The following ICAM3 variants were observed in gnomAD, a reference collection of about 807,000 sequenced individuals.
The protein encoded by ICAM3 is intercellular adhesion molecule 3.
Under a neutral mutation model 43.6 loss-of-function variants are expected in ICAM3, and 54 were observed. That is an observed-to-expected ratio of 1.24 (90% CI 0.99 to 1.55). The LOEUF (loss-of-function observed/expected upper bound fraction) is 1.55. Among genes scored for constraint, ICAM3 ranks in the 40% most tolerant of loss-of-function variants. The pLI, the probability that ICAM3 is intolerant of heterozygous loss-of-function variation, is 0.00. For missense variants in ICAM3, 715 were observed against 717.9 expected (o/e 1.00, Z 0.05); for synonymous variants, 306 against 312.6 (o/e 0.98, Z 0.22).
chr19:10,339,500 G>A (rs773379965), intron 1 of ICAM3, 39 bp downstream of exon 1: 4 of 1,575,592 alleles, frequency 2.5e-6, no homozygotes, highest in East Asian at 4.5e-5. Flanking sequence ...TCCCCAAAAC[G>A]CAGCCCTCTC....
At chr19:10,336,132 T>TA in intron 2 of ICAM3, 156 bp from the exon 3 acceptor site, 2 of 647,132 alleles carry the variant, frequency 3.1e-6, no homozygotes, top group Non-Finnish European at 5.2e-6. Flanking sequence ...AAGCGTTTGC[T>TA]ATTATCATTA....
intron 2 of ICAM3, chr19:10,336,256 T>G: frequency 2.2e-6 from 1 of 458,584 alleles, no homozygotes; most frequent in Non-Finnish European, 3.9e-6. Flanking sequence ...GGATGAACGT[T>G]TATGACTATG....
chr19:10,333,888 G>GC lies in ICAM3; in HGVS notation c.1612dup (p.Ala538GlyfsTer10), dbSNP rs748245954. 6.2e-7 allele frequency: 1 copy of GC among 1,614,152 alleles called. No homozygotes were observed. Among genetic ancestry groups the GC allele is most frequent in the Admixed American group, 1.7e-5 (1 of 60,014 alleles). On this transcript the variant is annotated frameshift_variant, in exon 7 of 7. Transcript: ENST00000160262. LOFTEE classifies it low-confidence loss of function (END_TRUNC). The surrounding 1 kb of genome is among the most constrained non-coding windows in gnomAD (Gnocchi z 4.2). ...AGCTCTGGACGGTTCTTCCCCCATT[G>GC]CTTCTGTCGGCTGCATAGACGTGAG...
chr19:10,336,072 CTG>C, intron 2 of ICAM3, 96 bp from the exon 3 acceptor site: 1 of 1,166,224 alleles, frequency 8.6e-7, no homozygotes, highest in Non-Finnish European at 1.2e-6. Context: ...CTGCCGAGAA[CTG>C]TGAGCTTTGA....
In ICAM3 at chr19:10,334,222, T is replaced by G. The variant is rs371074998; in HGVS notation, c.1379A>C (p.Tyr460Ser). 1 of 1,613,924 alleles carries G rather than the reference T, an allele frequency of 6.2e-7. No homozygotes were observed. Among genetic ancestry groups the G allele is most frequent in the South Asian group, 1.1e-5 (1 of 91,076 alleles). The change falls in exon 6 of 7, where the codon TAT becomes TCT. Residue 460 changes from tyrosine to serine, a missense_variant. Transcript: ENST00000160262. The surrounding 1 kb of genome is among the most constrained non-coding windows in gnomAD (Gnocchi z 5.5). ...TCGTGAGCTGGACGCTTGGCACTGA[T>G]AAGTACCATTATGTGTTACGTTGAC... Reference protein sequence around the residue: ...FFVNVTHNGTYQCQASSSRGK... With the variant: ...FFVNVTHNGTSQCQASSSRGK...
At position 10,338,738 on chromosome 19, in the gene ICAM3, C is replaced by A; in HGVS notation, c.287G>T (p.Cys96Phe). Residue 96 changes from cysteine to phenylalanine, a missense_variant, in exon 2 of 7, where the codon TGC (cysteine) becomes TTC (phenylalanine). Physicochemically the swap from Cys to Phe is radical, Grantham distance 205 (BLOSUM62 -2). Transcript: ENST00000160262. Reference protein sequence around the residue: ...SNVTGNSRILCSVYCNGSQIT... With the variant: ...SNVTGNSRILFSVYCNGSQIT... ...CTGAGAGCCATTGCAGTACACTGAG[C>A]AGAGGATCCGACTGTTGCCAGTCAC... 1 of 1,614,188 alleles carries A rather than the reference C, an allele frequency of 6.2e-7. No individual in the cohort carries two copies. Among genetic ancestry groups the A allele is most frequent in the Non-Finnish European group, 8.5e-7 (1 of 1,180,024 alleles).
intron 2 of ICAM3, among the ~76,000 whole-genome samples, chr19:10,336,804 C>CAAAAAA (rs34119863): frequency 1.3e-5 from 1 of 78,998 alleles, no homozygotes; most frequent in Non-Finnish European, 2.4e-5. Context: ...GACTCTATGT[C>CAAAAAA]AAAAAAAAAA....
chr19:10,339,168 G>T (rs1446065677), intron 1 of ICAM3: 3 of 606,322 alleles, frequency 4.9e-6, no homozygotes, highest in African/African-American at 3.7e-5. Context: ...GTCAGGGAAG[G>T]CTTCCTGGAA....
At position 10,338,801 on chromosome 19, in the gene ICAM3, G is replaced by A. The variant is rs1201771493; in HGVS notation, c.224C>T (p.Ala75Val). The A allele has an allele frequency of 6.2e-7, 1 of 1,614,060 alleles. No homozygotes were observed. The highest frequency in any genetic ancestry group is 8.5e-7 in the Non-Finnish European group (1 of 1,180,040). Residue 75 changes from alanine (A) to valine (V), a missense_variant, in exon 2 of 7, where the codon GCC (alanine) becomes GTC (valine). Transcript: ENST00000160262. ...LETSLSKELVASGMGWAAFNL... is the reference protein window; with the variant it reads ...LETSLSKELVVSGMGWAAFNL... The stretch of plus-strand genomic sequence containing the variant: ...GAAGGCTGCCCAGCCCATGCCACTG[G>A]CCACCAGCTCCTTTGATAGGGACGT...
rs371615530 is a variant in ICAM3, at chr19:10,335,288, C to T, written c.715G>A (p.Val239Met). The change falls in exon 4 of 7, where the codon GTG becomes ATG. Residue 239 changes from valine to methionine, a missense_variant. Coordinates refer to ENST00000160262, the MANE Select transcript of ICAM3 (RefSeq NM_002162.5). ...AAAAGCCCGTCTAGGGTGCAGTCCA[C>T]CGGCCACGACGTTTCCACCTCCAAG... ...RFLEVETSWP[V>M]DCTLDGLFPA... The T allele has an allele frequency of 6.6e-5, 106 of 1,612,864 alleles. No homozygotes were observed. The highest frequency in any genetic ancestry group is 8.8e-5 in the Non-Finnish European group (104 of 1,179,910).
Position 10,338,788 on chromosome 19 carries a change from G to A in ICAM3, c.237C>T (p.Gly79=), listed in dbSNP as rs761724730. Reference sequence around the variant, plus strand: ...CGTTGCTGAGATTGAAGGCTGCCCAGCCCATGCCACTGGCCACCAGCTCCT... The same window carrying A: ...CGTTGCTGAGATTGAAGGCTGCCCAACCCATGCCACTGGCCACCAGCTCCT... ...LSKELVASGM[G]WAAFNLSNVT... is the part of the protein sequence containing the mutation. Residue 79 remains glycine, a synonymous_variant, in exon 2 of 7, where the codon GGC becomes GGT. Transcript: ENST00000160262. 8.1e-6 allele frequency: 13 copies of A among 1,614,164 alleles called. No individual in the cohort carries two copies. Among genetic ancestry groups the A allele is most frequent in the Non-Finnish European group, 1.1e-5 (13 of 1,180,022 alleles).
Position 10,338,903 on chromosome 19 carries a change from G to A in ICAM3, c.122C>T (p.Pro41Leu), listed in dbSNP as rs865814979. 6.2e-7 allele frequency: 1 copy of A among 1,614,120 alleles called. No individual in the cohort carries two copies. The highest frequency in any genetic ancestry group is 2.2e-5 in the East Asian group (1 of 44,882). Residue 41 changes from proline (P) to leucine (L), a missense_variant, in exon 2 of 7, where the codon CCT becomes CTT. Coordinates refer to ENST00000160262, the MANE Select transcript of ICAM3 (RefSeq NM_002162.5). ...EFLLRVEPQN[P>L]VLSAGGSLFV... ...CAGGGACCCTCCAGCAGAGAGCACA[G>A]GGTTCTGGGGCTCCACCCGCAAAAG...
rs555367164 is a variant in ICAM3, at chr19:10,338,670, A to T, written c.343+12T>A. ...CCCAAGACCAGTCCCACCTCCGGAC[A>T]CGTCGACTCACTGTACACGGTGATG... is the stretch of plus-strand genomic sequence containing the variant. On this transcript the variant is annotated intron_variant, in intron 2 of 6. Coordinates refer to ENST00000160262, the MANE Select transcript of ICAM3 (RefSeq NM_002162.5). The T allele has an allele frequency of 1.2e-5, 20 of 1,612,908 alleles. No individual in the cohort carries two copies. Among genetic ancestry groups the T allele is most frequent in the African/African-American group, 1.2e-4 (9 of 75,032 alleles).
At chr19:10,339,429 C>A in intron 1 of ICAM3, 110 bp downstream of exon 1, 1 of 922,488 alleles carries the variant, frequency 1.1e-6, no homozygotes, top group Non-Finnish European at 1.7e-6. Context: ...GAGTCAGCGG[C>A]CAGGTCGCAG....
In ICAM3 at chr19:10,333,933, T is replaced by G; in HGVS notation, c.1568A>C (p.Glu523Ala). ...HQRSGSYHVREESTYLPLTSM... is the reference protein window; with the variant it reads ...HQRSGSYHVRAESTYLPLTSM... ...CGTGAGGGGCAGATAGGTGCTCTCC[T>G]CCCTAACATGGTAACTGCCGCTCCG... is the stretch of plus-strand genomic sequence containing the variant. The change falls in exon 7 of 7, where the codon GAG (glutamate) becomes GCG (alanine). Residue 523 changes from glutamate (E) to alanine (A), a missense_variant. Coordinates refer to ENST00000160262, the MANE Select transcript of ICAM3 (RefSeq NM_002162.5). This position sits in a 1 kb window ranked among gnomAD's most constrained non-coding sequence, Gnocchi z 4.2. The G allele has an allele frequency of 6.2e-7, 1 of 1,614,088 alleles. No homozygotes were observed. Among genetic ancestry groups the G allele is most frequent in the East Asian group, 2.2e-5 (1 of 44,888 alleles).
intron 1 of ICAM3, 167 bp downstream of exon 1, chr19:10,339,372 C>T (rs1221410175): frequency 4.8e-6 from 3 of 621,770 alleles, no homozygotes; most frequent in East Asian, 2.8e-5. Flanking sequence ...GGGGCCTGAC[C>T]ACCTGAAGGC....
At chr19:10,336,255 T>TGA (rs1346576068) in intron 2 of ICAM3, 1 of 451,450 alleles carries the variant, frequency 2.2e-6, no homozygotes, top group East Asian at 3.5e-5. Flanking sequence ...GGGATGAACG[T>TGA]TTATGACTAT....
chr19:10,338,727 A>G lies in ICAM3; in HGVS notation c.298T>C (p.Cys100Arg). 6.2e-7 allele frequency: 1 copy of G among 1,614,164 alleles called. No homozygotes were observed. The highest frequency in any genetic ancestry group is 8.5e-7 in the Non-Finnish European group (1 of 1,180,020). ...GNSRILCSVYCNGSQITGSSN... is the reference protein window; with the variant it reads ...GNSRILCSVYRNGSQITGSSN... Reference sequence around the variant, plus strand: ...GAGCCTGTTATCTGAGAGCCATTGCAGTACACTGAGCAGAGGATCCGACTG... The same window carrying G: ...GAGCCTGTTATCTGAGAGCCATTGCGGTACACTGAGCAGAGGATCCGACTG... Residue 100 changes from cysteine to arginine, a missense_variant, in exon 2 of 7, where the codon TGC becomes CGC. By Grantham distance (180) the Cys-to-Arg change is radical. Transcript: ENST00000160262.
rs1449852692 is a variant in ICAM3 at position 10,334,241 on chromosome 19, C to G, written c.1360G>C (p.Val454Leu). ...VPVGIPFFVN[V>L]THNGTYQCQA... is the part of the protein sequence containing the mutation. ...CACTGATAAGTACCATTATGTGTTA[C>G]GTTGACGAAGAACGGGATCCCCACC... Residue 454 changes from valine to leucine, a missense_variant, in exon 6 of 7, where the codon GTA becomes CTA. Physicochemically the swap from Val to Leu is conservative, Grantham distance 32 (BLOSUM62 1). Transcript: ENST00000160262. This position sits in a 1 kb window ranked among gnomAD's most constrained non-coding sequence, Gnocchi z 5.5. 2 of 1,614,112 alleles carry G rather than the reference C, an allele frequency of 1.2e-6. No individual in the cohort carries two copies. The highest frequency in any genetic ancestry group is 8.5e-7 in the Non-Finnish European group (1 of 1,180,012).
Sources: gnomAD v4.1 joint callset for allele counts (sites outside exome capture counted in the v4.1 genomes callset) on GRCh38, gnomAD v4.1.1 for gene constraint, Gnocchi (gnomAD v3.1) non-coding constraint, MANE v1.5 for transcripts, NCBI Gene and HGNC (gene_info 2026-07-23, HGNC 2026-07-21) for gene names.